The following GRM1 variants were observed in gnomAD, a reference collection of about 807,000 sequenced individuals.
GRM1 encodes glutamate metabotropic receptor 1.
Under a neutral mutation model 90.9 loss-of-function variants are expected in GRM1, and 33 were observed. The ratio of observed to expected loss-of-function variants is 0.36; its 90% CI spans 0.28 to 0.49. The LOEUF is 0.49. Among genes scored for constraint, GRM1 ranks in the 20% least tolerant of loss-of-function variants. The pLI, the probability that GRM1 is intolerant of heterozygous loss-of-function variation, is 0.99. For missense variants in GRM1, 1,190 were observed against 1,534.3 expected (o/e 0.78, Z 3.75); for synonymous variants, 700 against 613.2 (o/e 1.14, Z -2.09).
chr6:146,197,228 A>G (rs1387186623), intron 2 of GRM1, among the ~76,000 whole-genome samples: 1 of 152,246 alleles, frequency 6.6e-6, no homozygotes, highest in Non-Finnish European at 1.5e-5. Context: ...TGAAGAGAAC[A>G]GTGTTAATGC....
rs185850359 is a variant in GRM1, at chr6:146,434,711, C to T, written c.3500C>T (p.Ser1167Phe). The part of the protein sequence containing the change: ...SGSSVPSSPV[S>F]ESVLCTPPNV... ...AGCTCGGTGCCCAGCTCCCCCGTGT[C>T]CGAGTCGGTGCTCTGCACCCCTCCC... The change falls in exon 8 of 8, where the codon TCC becomes TTC. Residue 1167 changes from serine to phenylalanine, a missense_variant. Physicochemically the swap from Ser to Phe is radical, Grantham distance 155. Coordinates refer to ENST00000282753, the MANE Select transcript of GRM1 (RefSeq NM_001278064.2). The T allele has an allele frequency of 1.2e-6, 2 of 1,602,572 alleles. No individual in the cohort carries two copies. Among genetic ancestry groups the T allele is most frequent in the East Asian group, 2.2e-5 (1 of 44,868 alleles).
intron 7 of GRM1, among the ~76,000 whole-genome samples, chr6:146,426,335 A>T (rs1778210206): frequency 1.3e-5 from 2 of 152,104 alleles, no homozygotes; most frequent in Non-Finnish European, 2.9e-5. Context: ...CAGCAAAAAA[A>T]GCATCTGCCA....
chr6:146,178,697 C>T (rs765456471), intron 2 of GRM1, among the ~76,000 whole-genome samples: 3 of 152,034 alleles, frequency 2.0e-5, no homozygotes, highest in Non-Finnish European at 4.4e-5. Context: ...ATGACTTATC[C>T]CTGCTGATAT....
At chr6:146,365,885 C>G (rs552310438) in intron 5 of GRM1, among the ~76,000 whole-genome samples, 60 of 152,276 alleles carry the variant, frequency 3.9e-4, no homozygotes, top group South Asian at 2.1e-3. Context: ...CTCTCAAGGT[C>G]CTGAAAGCTG....
intron 5 of GRM1, among the ~76,000 whole-genome samples, chr6:146,361,238 A>G: frequency 6.6e-6 from 1 of 152,176 alleles, no homozygotes; most frequent in East Asian, 1.9e-4. Context: ...AAAGGGAGAG[A>G]GAGACAGCAA....
At chr6:146,319,332 A>G (rs1583318555) in intron 3 of GRM1, among the ~76,000 whole-genome samples, 1 of 151,978 alleles carries the variant, frequency 6.6e-6, no homozygotes, top group South Asian at 2.1e-4. Context: ...GTTAATATAT[A>G]TGTTTTGGTA....
chr6:146,177,728 T>C (rs561893146), intron 2 of GRM1, among the ~76,000 whole-genome samples: 4 of 152,308 alleles, frequency 2.6e-5, no homozygotes, highest in African/African-American at 9.6e-5. Context: ...GACCATTTCT[T>C]GTCTCTGCCT....
intron 2 of GRM1, among the ~76,000 whole-genome samples, chr6:146,282,571 G>A (rs1256014468): frequency 6.6e-6 from 1 of 151,844 alleles, no homozygotes; most frequent in Admixed American, 6.6e-5. Flanking sequence ...AAAAAAAAAG[G>A]GTGGAAAATT....
chr6:146,044,739 TATGCC>T (rs1791259772), intron 1 of GRM1, among the ~76,000 whole-genome samples: 1 of 151,974 alleles, frequency 6.6e-6, no homozygotes, highest in East Asian at 1.9e-4. Context: ...ATATCTTTGA[TATGCC>T]ATTTTAAAAG....
chr6:146,307,106 T>G (rs186475345), intron 3 of GRM1, among the ~76,000 whole-genome samples: 68 of 152,320 alleles, frequency 4.5e-4, no homozygotes, highest in African/African-American at 1.6e-3. Flanking sequence ...ACACTAATAT[T>G]TTGGGTTTTT....
chr6:146,178,444 A>G (rs1035291081), intron 2 of GRM1, among the ~76,000 whole-genome samples: 4 of 152,210 alleles, frequency 2.6e-5, no homozygotes, highest in Admixed American at 6.5e-5. Context: ...ACAATGAAAT[A>G]TCTTGGGGAT....
chr6:146,426,605 C>T (rs112034880), intron 7 of GRM1: 3 of 1,605,468 alleles, frequency 1.9e-6, no homozygotes, highest in Non-Finnish European at 2.6e-6. Flanking sequence ...TCCGTCGGCA[C>T]ATGTGCAGCT....
intron 2 of GRM1, among the ~76,000 whole-genome samples, chr6:146,189,024 G>T (rs1778842369): frequency 6.6e-6 from 1 of 152,186 alleles, no homozygotes; most frequent in African/African-American, 2.4e-5. Flanking sequence ...TCCATAACGT[G>T]GTTGAGAGAG....
Position 146,357,619 on chromosome 6 carries a change from T to C in GRM1, c.1527T>C (p.Asp509=). The change falls in exon 5 of 8, where the codon GAT becomes GAC. Residue 509 remains aspartate, a synonymous_variant. Transcript: ENST00000282753. ...TWHEGVLNID[D]YKIQMNKSGV... is the part of the protein sequence containing the mutation. Reference sequence around the variant, plus strand: ...ATGAAGGAGTGCTGAACATTGATGATTACAAAATCCAGATGAACAAGAGTG... The same window carrying C: ...ATGAAGGAGTGCTGAACATTGATGACTACAAAATCCAGATGAACAAGAGTG... The C allele has an allele frequency of 6.2e-7, 1 of 1,614,016 alleles. No individual in the cohort carries two copies. The highest frequency in any genetic ancestry group is 8.5e-7 in the Non-Finnish European group (1 of 1,179,894).
intron 7 of GRM1, among the ~76,000 whole-genome samples, chr6:146,432,864 C>A (rs1365040449): frequency 6.6e-6 from 1 of 152,116 alleles, no homozygotes; most frequent in South Asian, 2.1e-4. Flanking sequence ...TTCTTATTTT[C>A]TTATTCAGGG....
intron 2 of GRM1, among the ~76,000 whole-genome samples, chr6:146,207,068 G>A (rs1251629548): frequency 6.6e-6 from 1 of 152,094 alleles, no homozygotes; most frequent in Non-Finnish European, 1.5e-5. Context: ...GGGCATTTAG[G>A]TTGATTCCAT....
intron 1 of GRM1, among the ~76,000 whole-genome samples, chr6:146,063,820 CA>C (rs1269326744): frequency 6.6e-6 from 1 of 152,074 alleles, no homozygotes; most frequent in Non-Finnish European, 1.5e-5. Flanking sequence ...ATATCAGAAT[CA>C]TTGCAAATCC....
intron 1 of GRM1, among the ~76,000 whole-genome samples, chr6:146,097,066 A>G (rs1294783808): frequency 1.3e-5 from 2 of 152,154 alleles, no homozygotes; most frequent in African/African-American, 4.8e-5. Flanking sequence ...GGTTCTGCTT[A>G]TGAGGAACAT....
chr6:146,274,047 A>G (rs185743820), intron 2 of GRM1, among the ~76,000 whole-genome samples: 6 of 152,358 alleles, frequency 3.9e-5, no homozygotes, highest in Admixed American at 2.6e-4. Flanking sequence ...TTTGTATTAT[A>G]GCAAATTTCA....
Sources: gnomAD v4.1 joint callset for allele counts (sites outside exome capture counted in the v4.1 genomes callset) on GRCh38, gnomAD v4.1.1 for gene constraint, MANE v1.5 for transcripts, NCBI Gene and HGNC (gene_info 2026-07-23, HGNC 2026-07-21) for gene names.